The following SHISA9 variants were observed in gnomAD, a reference collection of about 807,000 sequenced individuals.
SHISA9 encodes shisa family member 9, also known as protein shisa-9.
A neutral mutation model predicts 38.0 loss-of-function variants in SHISA9; 13 were observed. That is an observed-to-expected ratio of 0.34 (90% CI 0.22 to 0.54). SHISA9 has a LOEUF of 0.54. SHISA9 is among the 20% of genes least tolerant of loss of function. The pLI, the probability that SHISA9 is intolerant of heterozygous loss-of-function variation, is 0.91. For missense variants in SHISA9, 538 were observed against 575.8 expected, an observed-to-expected ratio of 0.93 and a Z score of 0.67; for synonymous variants, 275 against 242.0, an observed-to-expected ratio of 1.14 and a Z score of -1.27.
At chr16:13,465,244 G>A in the SHISA9 span, among the ~76,000 whole-genome samples, 2 of 152,316 alleles carry the variant, frequency 1.3e-5, no homozygotes, top group Admixed American at 1.3e-4. Context: ...AACCAAAAAT[G>A]CCTCCAGGCA....
At chr16:13,074,627 AT>A (rs2141927434) in intron 2 of SHISA9, among the ~76,000 whole-genome samples, 1 of 149,798 alleles carries the variant, frequency 6.7e-6, no homozygotes, top group South Asian at 2.2e-4. Context: ...TGTTATCATC[AT>A]TACTATTATT....
the SHISA9 span, among the ~76,000 whole-genome samples, chr16:13,252,363 G>A: frequency 6.6e-6 from 1 of 152,180 alleles, no homozygotes; most frequent in Non-Finnish European, 1.5e-5. Flanking sequence ...TGGGAGATAG[G>A]TTGCTACTGG....
chr16:13,089,768 A>G (rs185832219), intron 2 of SHISA9, among the ~76,000 whole-genome samples: 20 of 152,074 alleles, frequency 1.3e-4, no homozygotes, highest in African/African-American at 4.8e-4. Context: ...GGATTCATTG[A>G]TTTTTTGAAG....
At chr16:13,361,239 G>A in the SHISA9 span, among the ~76,000 whole-genome samples, 1 of 152,168 alleles carries the variant, frequency 6.6e-6, no homozygotes, top group African/African-American at 2.4e-5. Flanking sequence ...GAATGGGGTT[G>A]CTCGCTCTCT....
chr16:13,385,326 C>A, the SHISA9 span, among the ~76,000 whole-genome samples: 1 of 152,222 alleles, frequency 6.6e-6, no homozygotes, highest in Non-Finnish European at 1.5e-5. Flanking sequence ...TGGACATTCA[C>A]ACAAAAATCT....
At chr16:13,213,178 C>T in intron 3 of SHISA9, 75 bp from the exon 4 acceptor site, 7 of 1,372,710 alleles carry the variant, frequency 5.1e-6, no homozygotes, top group Non-Finnish European at 7.1e-6. Context: ...CCAACAGCAC[C>T]TGGGTGTGAG....
the SHISA9 span, among the ~76,000 whole-genome samples, chr16:13,471,988 T>G: frequency 6.6e-6 from 1 of 152,210 alleles, no homozygotes; most frequent in African/African-American, 2.4e-5. Context: ...AAGCTCTACA[T>G]GGAAGTGTCT....
intron 2 of SHISA9, among the ~76,000 whole-genome samples, chr16:13,059,538 G>A (rs1213374927): frequency 6.6e-6 from 1 of 152,074 alleles, no homozygotes; most frequent in Non-Finnish European, 1.5e-5. Flanking sequence ...GGGAGGGAGA[G>A]CATCAGGATA....
the SHISA9 span, among the ~76,000 whole-genome samples, chr16:13,344,118 C>T: frequency 6.6e-6 from 1 of 152,186 alleles, no homozygotes; most frequent in Non-Finnish European, 1.5e-5. Flanking sequence ...CCAATGTATA[C>T]TACTCTTCAA....
At chr16:12,974,392 C>T (rs1261570019) in intron 2 of SHISA9, among the ~76,000 whole-genome samples, 2 of 151,820 alleles carry the variant, frequency 1.3e-5, no homozygotes, top group Non-Finnish European at 2.9e-5. Flanking sequence ...GACCAAGACT[C>T]CCTAAAAACA....
intron 3 of SHISA9, among the ~76,000 whole-genome samples, chr16:13,211,521 G>T (rs764716195): frequency 8.6e-5 from 13 of 152,010 alleles, no homozygotes; most frequent in Non-Finnish European, 8.8e-5. Flanking sequence ...CACACTGAAA[G>T]TTCCCTCATA....
intron 4 of SHISA9, among the ~76,000 whole-genome samples, chr16:13,215,603 T>TC (rs1387782385): frequency 6.6e-6 from 1 of 152,174 alleles, no homozygotes; most frequent in Non-Finnish European, 1.5e-5. Context: ...CCTTATATCA[T>TC]CCTTTTGTTG....
chr16:13,336,305 A>C, the SHISA9 span, among the ~76,000 whole-genome samples: 10 of 152,228 alleles, frequency 6.6e-5, no homozygotes, highest in African/African-American at 9.6e-5. Context: ...AAGATCTTGG[A>C]TCGTAGAGGA....
intron 2 of SHISA9, among the ~76,000 whole-genome samples, chr16:12,947,546 T>C (rs2141769529): frequency 6.6e-6 from 1 of 152,314 alleles, no homozygotes; most frequent in African/African-American, 2.4e-5. Flanking sequence ...GTCCTCGATG[T>C]TGGTGAATAG....
the SHISA9 span, among the ~76,000 whole-genome samples, chr16:13,327,188 T>C: frequency 1.3e-5 from 2 of 152,144 alleles, no homozygotes; most frequent in Non-Finnish European, 2.9e-5. Context: ...TACCAGCCTT[T>C]CTCCCTGCCC....
At chr16:13,503,786 G>A in the SHISA9 span, among the ~76,000 whole-genome samples, 1 of 152,246 alleles carries the variant, frequency 6.6e-6, no homozygotes, top group African/African-American at 2.4e-5. Flanking sequence ...GTAATATAAT[G>A]AGATTTATGT....
the SHISA9 span, among the ~76,000 whole-genome samples, chr16:13,364,389 A>G: frequency 6.6e-6 from 1 of 152,222 alleles, no homozygotes; most frequent in Non-Finnish European, 1.5e-5. Context: ...AGAGAAGCAA[A>G]TTTAGAACAA....
chr16:13,301,938 G>C, the SHISA9 span, among the ~76,000 whole-genome samples: 1 of 152,184 alleles, frequency 6.6e-6, no homozygotes, highest in Non-Finnish European at 1.5e-5. Flanking sequence ...GTACATGCCT[G>C]GTGCAAGGTG....
chr16:13,155,079 T>C (rs1211148462), intron 2 of SHISA9, among the ~76,000 whole-genome samples: 1 of 152,164 alleles, frequency 6.6e-6, no homozygotes, highest in Non-Finnish European at 1.5e-5. Context: ...TGAAATATAC[T>C]GGAGTAGAAT....
Sources: gnomAD v4.1 joint callset for allele counts (sites outside exome capture counted in the v4.1 genomes callset) on GRCh38, gnomAD v4.1.1 for gene constraint, MANE v1.5 for transcripts, NCBI Gene and HGNC (gene_info 2026-07-23, HGNC 2026-07-21) for gene names.